Variants in GATA3 observed in about 807,000 individuals in gnomAD.
GATA3 encodes GATA binding protein 3.
In GATA3, 6 loss-of-function variants were observed where a neutral mutation model predicts 36.0. That is an observed-to-expected ratio of 0.17 (90% CI 0.09 to 0.33). The LOEUF (loss-of-function observed/expected upper bound fraction) is 0.33, where lower values mean the gene tolerates loss of function less well. Ranked by LOEUF, GATA3 falls within the 10% of genes least tolerant of loss-of-function variation. The pLI is 1.00. For missense variants in GATA3, 514 were observed against 610.1 expected (o/e 0.84, Z 1.66); for synonymous variants, 326 against 273.0 (o/e 1.19, Z -1.92).
At chr10:8,046,159 A>G (rs1832384418) in intron 1 of GATA3, among the ~76,000 whole-genome samples, 1 of 152,206 alleles carries the variant, frequency 6.6e-6, no homozygotes, top group South Asian at 2.1e-4. Flanking sequence ...GGCAGAGAGG[A>G]CAAGATTTGG....
At chr10:8,057,879 T>C (rs1832667257) in intron 2 of GATA3, among the ~76,000 whole-genome samples, 1 of 152,168 alleles carries the variant, frequency 6.6e-6, no homozygotes, top group Non-Finnish European at 1.5e-5. Flanking sequence ...TCAGGCTGGC[T>C]GGGATTAAGT....
rs34316757 is a variant in GATA3, at chr10:8,057,559, G to T, written c.242-746G>T. Among the ~76,000 whole-genome samples, 22 of 152,286 alleles carry T rather than the reference G, an allele frequency of 1.4e-4. No individual in the cohort carries two copies. In the East Asian group the frequency reaches 4.0e-3, roughly 28 times the overall value. On this transcript the variant is annotated intron_variant, in intron 2 of 5. Coordinates refer to ENST00000379328, the MANE Select transcript of GATA3 (RefSeq NM_001002295.2). ...CTTCTCCTTTAGGATTTGGGAGGGT[G>T]AGAAAAGCAGAGAAAATGGCCATCC...
upstream of GATA3, among the ~76,000 whole-genome samples, chr10:8,054,031 C>T (rs951972912): frequency 2.0e-5 from 3 of 152,154 alleles, no homozygotes; most frequent in African/African-American, 7.2e-5. The surrounding 1 kb of genome is among the most constrained non-coding windows in gnomAD (Gnocchi z 4.2). Context: ...GCGCAGAAGG[C>T]TCGGGAAAGA....
intron 3 of GATA3, among the ~76,000 whole-genome samples, chr10:8,061,089 C>CTCTCTCTCTCTCTCTCT (rs754738004): frequency 2.1e-4 from 31 of 145,814 alleles, no homozygotes; most frequent in African/African-American, 2.6e-4. Context: ...CTCTCTCTCT[C>CTCTCTCTCTCTCTCTCT]TTTTTTACCC....
At chr10:8,072,151 C>T (rs1216518589) in intron 5 of GATA3, among the ~76,000 whole-genome samples, 2 of 152,206 alleles carry the variant, frequency 1.3e-5, no homozygotes, top group Non-Finnish European at 2.9e-5. Context: ...GTCTCAGCTC[C>T]AGTGTGGGGC....
rs11567905 is a variant in GATA3, at chr10:8,060,058, G to A, written c.778+1217G>A. Among the ~76,000 whole-genome samples the A allele has an allele frequency of 3.3e-3, 507 of 152,328 alleles. 4 individuals carry two copies. The highest frequency in any genetic ancestry group is 0.012 in the African/African-American group (489 of 41,580). On this transcript the variant is annotated intron_variant, in intron 3 of 5. Transcript: ENST00000379328. ...AGCTCCGGTTTGAAAAACTTCAGAG[G>A]GAGTACTCTGGGAGCCCAGTGACCA...
intron 3 of GATA3, among the ~76,000 whole-genome samples, chr10:8,060,774 G>T (rs917732950): frequency 1.3e-5 from 2 of 152,144 alleles, no homozygotes; most frequent in Admixed American, 6.5e-5. Context: ...AACATGGAGG[G>T]GAGAAAGAGA....
rs763497781 is a variant in GATA3 at position 8,058,657 on chromosome 10, G to T, written c.594G>T (p.Ser198=). The T allele has an allele frequency of 1.2e-6, 2 of 1,613,056 alleles. No individual in the cohort carries two copies. The highest frequency in any genetic ancestry group is 1.7e-6 in the Non-Finnish European group (2 of 1,179,948). The change falls in exon 3 of 6, where the codon TCG becomes TCT. Residue 198 remains serine (S), a synonymous_variant. Transcript: ENST00000379328. The part of the protein sequence containing the change: ...VPLPDSMKLE[S]SHSRGSMTAL... ...TGCCCGACAGCATGAAGCTGGAGTC[G>T]TCCCACTCCCGTGGCAGCATGACCG...
At chr10:8,070,631 C>T (rs1832916657) in intron 5 of GATA3, among the ~76,000 whole-genome samples, 1 of 152,168 alleles carries the variant, frequency 6.6e-6, no homozygotes, top group African/African-American at 2.4e-5. Context: ...ATGAACTCAT[C>T]TTACTCAGGA....
intron 4 of GATA3, among the ~76,000 whole-genome samples, chr10:8,068,474 G>A (rs563939967): frequency 7.9e-5 from 12 of 152,322 alleles, no homozygotes; most frequent in Admixed American, 7.2e-4. Flanking sequence ...TGAAAGCACA[G>A]ACTGTGGTGG....
At chr10:8,051,082 T>C (rs1353679607), upstream of GATA3, 3 of 514,416 alleles carry the variant, frequency 5.8e-6, no homozygotes, top group Non-Finnish European at 1.2e-5. Context: ...CTCTGCGCCA[T>C]GGCCTCTGCT....
At chr10:8,049,178 C>T (rs1832430518), upstream of GATA3, among the ~76,000 whole-genome samples, 1 of 149,296 alleles carries the variant, frequency 6.7e-6, no homozygotes, top group Non-Finnish European at 1.5e-5. Flanking sequence ...ATACCATCCC[C>T]AAAACGATAG....
chr10:8,052,260 A>AT (rs1832515301), upstream of GATA3: 1 of 149,884 alleles, frequency 6.7e-6, no homozygotes, highest in Admixed American at 6.6e-5. Context: ...GAGATCTTTT[A>AT]TTTTTCTAAA....
intron 4 of GATA3, among the ~76,000 whole-genome samples, chr10:8,067,775 G>A (rs552771333): frequency 7.4e-4 from 112 of 152,270 alleles, no homozygotes; most frequent in Admixed American, 3.3e-4. Flanking sequence ...CCGAGATCGC[G>A]CCACTGCACT....
chr10:8,069,716 A>C, intron 5 of GATA3, 118 bp downstream of exon 5: 1 of 1,236,398 alleles, frequency 8.1e-7, no homozygotes, highest in Non-Finnish European at 1.2e-6. Context: ...ACAGGTTCCA[A>C]ATAATTGATG....
intron 3 of GATA3, among the ~76,000 whole-genome samples, chr10:8,061,020 G>A (rs989909009): frequency 2.0e-5 from 3 of 152,022 alleles, no homozygotes; most frequent in South Asian, 2.1e-4. Context: ...AGGGGGTGGA[G>A]GTGGTGGGAA....
In GATA3 at chr10:8,058,576, C is replaced by A; in HGVS notation, c.513C>A (p.Gly171=). Residue 171 remains glycine (G), a synonymous_variant, in exon 3 of 6, where the codon GGC becomes GGA. Coordinates refer to ENST00000379328, the MANE Select transcript of GATA3 (RefSeq NM_001002295.2). ...CGGACCCATCGCTGTCCACCCCAGG[C>A]TCGGCCGGCTCGGCCCGGCAGGACG... is the stretch of plus-strand genomic sequence containing the variant. ...VSPDPSLSTP[G]SAGSARQDEK... 3.7e-6 allele frequency: 6 copies of A among 1,612,296 alleles called. No individual in the cohort carries two copies. The highest frequency in any genetic ancestry group is 5.1e-6 in the Non-Finnish European group (6 of 1,179,914).
At position 8,058,936 on chromosome 10, in the gene GATA3, G is replaced by C. The variant is rs1832701926; in HGVS notation, c.778+95G>C. 3 of 1,209,656 alleles carry C rather than the reference G, an allele frequency of 2.5e-6. No individual in the cohort carries two copies. In the Admixed American group the frequency reaches 6.3e-5, roughly 25 times the overall value. 74.9% of individuals were successfully genotyped at this position (1,209,656 alleles called of 1,614,324 possible). A position where few individuals can be genotyped will look rare whatever the true frequency, so the allele number is the denominator to read the frequency against. ...CCAGAGGGACCCCTCAGGGGAGCCG[G>C]GGTGTCCCAAAGCCTGCTGAGATGC... On this transcript the variant is annotated intron_variant, in intron 3 of 5. Transcript: ENST00000379328.
At chr10:8,073,346 G>A (rs377460869) in intron 5 of GATA3, among the ~76,000 whole-genome samples, 2 of 152,010 alleles carry the variant, frequency 1.3e-5, no homozygotes, top group African/African-American at 4.8e-5. Flanking sequence ...CCACCTAGAG[G>A]CTGATGGCCT....
Sources: allele counts gnomAD v4.1 joint callset (sites outside exome capture counted in the v4.1 genomes callset), GRCh38; gene constraint gnomAD v4.1.1; non-coding constraint Gnocchi (gnomAD v3.1); transcripts MANE v1.5; gene names NCBI Gene and HGNC (gene_info 2026-07-23, HGNC 2026-07-21).